PI15: variants seen among roughly 807,000 people sequenced by gnomAD.
PI15 encodes 25 kDa trypsin inhibitor.
PI15 carries 18 observed loss-of-function variants against 31.0 expected under a neutral mutation model. That is an observed-to-expected ratio of 0.58 (90% CI 0.40 to 0.86). PI15 has a LOEUF of 0.86. Ranked by LOEUF, PI15 falls within the 40% of genes least tolerant of loss-of-function variation. The probability of loss-of-function intolerance (pLI) is 0.00; values close to 1 mark genes in which losing one functional copy is unlikely to be tolerated. For synonymous variants in PI15, 118 were observed against 119.1 expected (o/e 0.99, Z 0.06); for missense variants, 282 against 328.1 (o/e 0.86, Z 1.09).
Position 74,842,971 on chromosome 8 carries a change from G to A in PI15, c.274-1010G>A, listed in dbSNP as rs540731141. 1.4e-4 allele frequency among the ~76,000 whole-genome samples: 21 copies of A among 151,972 alleles called. No homozygotes were observed. In the East Asian group the frequency reaches 2.5e-3, roughly 18 times the overall value. ...ACCAACAAGAATATAAATTATCATC[G>A]TATTATTTTTATTACCACCAATGAT... On this transcript the variant is annotated intron_variant, in intron 2 of 5. Transcript: ENST00000260113.
At chr8:74,832,059 G>A (rs943081842) in intron 2 of PI15, among the ~76,000 whole-genome samples, 2 of 152,080 alleles carry the variant, frequency 1.3e-5, no homozygotes, top group African/African-American at 4.8e-5. Flanking sequence ...AGGCTGTTAG[G>A]ATAGTCTAGG....
At chr8:74,847,604 T>C (rs1310400198) in intron 5 of PI15, among the ~76,000 whole-genome samples, 1 of 152,180 alleles carries the variant, frequency 6.6e-6, no homozygotes, top group East Asian at 1.9e-4. Flanking sequence ...CTTATCCTTA[T>C]AGTGTAGAAT....
At chr8:74,832,508 T>C (rs753509948) in intron 2 of PI15, among the ~76,000 whole-genome samples, 1 of 152,056 alleles carries the variant, frequency 6.6e-6, no homozygotes, top group African/African-American at 2.4e-5. Flanking sequence ...TCAACAAATA[T>C]GCAAGAAAAT....
chr8:74,845,354 G>C (rs1342001899), intron 4 of PI15, 28 bp from the exon 5 acceptor site: 1 of 1,594,548 alleles, frequency 6.3e-7, no homozygotes, highest in Non-Finnish European at 8.6e-7. Flanking sequence ...TCTGACTTCT[G>C]TAACAGTTTA....
At position 74,835,056 on chromosome 8, in the gene PI15, T is replaced by C. The variant is rs1017212636; in HGVS notation, c.274-8925T>C. 3.3e-4 allele frequency among the ~76,000 whole-genome samples: 50 copies of C among 152,188 alleles called. 1 individual carries two copies. Among genetic ancestry groups the C allele is most frequent in the African/African-American group, 1.1e-3 (44 of 41,456 alleles). On this transcript the variant is annotated intron_variant, in intron 2 of 5. Transcript: ENST00000260113. ...GTCTTATGGATTAAAATACCACTTA[T>C]ATGCTGATGATGTTTCAAATTATAT...
chr8:74,836,338 G>A (rs1810872031), intron 2 of PI15, among the ~76,000 whole-genome samples: 2 of 152,244 alleles, frequency 1.3e-5, no homozygotes, highest in South Asian at 4.2e-4. Context: ...CGGATACCAG[G>A]AAGACTGAAG....
chr8:74,842,830 T>C (rs749670661), intron 2 of PI15, among the ~76,000 whole-genome samples: 41 of 152,228 alleles, frequency 2.7e-4, no homozygotes, highest in Non-Finnish European at 5.4e-4. Flanking sequence ...TAGCTTCCTC[T>C]ATAAAGGAAA....
intron 2 of PI15, among the ~76,000 whole-genome samples, chr8:74,837,041 G>T (rs1810882460): frequency 6.6e-6 from 1 of 152,016 alleles, no homozygotes; most frequent in South Asian, 2.1e-4. Context: ...TCAGTTCAGA[G>T]CCCCTAAAAA....
At chr8:74,848,896 G>A (rs949244967) in intron 5 of PI15, among the ~76,000 whole-genome samples, 8 of 151,852 alleles carry the variant, frequency 5.3e-5, no homozygotes, top group East Asian at 1.9e-4. Context: ...ACTACGCCCA[G>A]CTAATTTTTT....
At chr8:74,848,445 TA>T (rs969019324) in intron 5 of PI15, among the ~76,000 whole-genome samples, 3 of 151,930 alleles carry the variant, frequency 2.0e-5, no homozygotes, top group African/African-American at 7.3e-5. Context: ...CTCATTTCAT[TA>T]TTTTTAAGCC....
At chr8:74,830,920 C>A (rs561293629) in intron 2 of PI15, among the ~76,000 whole-genome samples, 4 of 152,130 alleles carry the variant, frequency 2.6e-5, no homozygotes, top group Admixed American at 6.6e-5. Context: ...GGCGTTTTCT[C>A]CAGCACATTC....
chr8:74,838,811 GT>G (rs1440801554), intron 2 of PI15, among the ~76,000 whole-genome samples: 2 of 152,164 alleles, frequency 1.3e-5, no homozygotes, highest in African/African-American at 4.8e-5. Context: ...AATTTTGGGG[GT>G]TGCCTTCCAT....
intron 2 of PI15, among the ~76,000 whole-genome samples, chr8:74,830,855 G>A (rs1014189894): frequency 6.6e-6 from 1 of 152,024 alleles, no homozygotes; most frequent in Non-Finnish European, 1.5e-5. Flanking sequence ...CCACTAGAAG[G>A]CCTCCTGAGG....
intron 2 of PI15, among the ~76,000 whole-genome samples, chr8:74,831,672 A>G (rs991222496): frequency 6.6e-6 from 1 of 152,140 alleles, no homozygotes; most frequent in African/African-American, 2.4e-5. Context: ...GGATAGATAC[A>G]GGGTTCTTTG....
chr8:74,825,858 A>G (rs1168211345), intron 2 of PI15, among the ~76,000 whole-genome samples: 1 of 152,108 alleles, frequency 6.6e-6, no homozygotes, highest in Non-Finnish European at 1.5e-5. Context: ...TGGAAGGTCC[A>G]CTTTAAAAAA....
At chr8:74,834,380 C>A (rs931180923) in intron 2 of PI15, among the ~76,000 whole-genome samples, 3 of 152,154 alleles carry the variant, frequency 2.0e-5, no homozygotes, top group Non-Finnish European at 4.4e-5. Context: ...CAGGCTAGAG[C>A]ATCCAGTCTC....
At chr8:74,826,016 A>G (rs924378933) in intron 2 of PI15, among the ~76,000 whole-genome samples, 7 of 152,064 alleles carry the variant, frequency 4.6e-5, no homozygotes, top group African/African-American at 1.7e-4. Flanking sequence ...CAAAGTTCTT[A>G]CTGACGCTAA....
chr8:74,828,104 C>A (rs1810725789), intron 2 of PI15, among the ~76,000 whole-genome samples: 1 of 152,070 alleles, frequency 6.6e-6, no homozygotes, highest in African/African-American at 2.4e-5. Flanking sequence ...ATCTTTGGCT[C>A]CCTGGGTGGG....
At chr8:74,825,568 C>A in intron 2 of PI15, 46 bp downstream of exon 2, 3 of 1,474,426 alleles carry the variant, frequency 2.0e-6, no homozygotes, top group Non-Finnish European at 2.8e-6. Flanking sequence ...AGTGAGAAAG[C>A]TTTATATTGT....
Sources: gnomAD v4.1 joint callset for allele counts (sites outside exome capture counted in the v4.1 genomes callset) on GRCh38, gnomAD v4.1.1 for gene constraint, MANE v1.5 for transcripts, NCBI Gene and HGNC (gene_info 2026-07-23, HGNC 2026-07-21) for gene names.